The following MAP3K21 variants were observed in gnomAD, a reference collection of about 807,000 sequenced individuals.
The protein encoded by MAP3K21 is mitogen-activated protein kinase kinase kinase 21.
MAP3K21 carries 63 observed loss-of-function variants against 86.1 expected under a neutral mutation model. The observed-to-expected ratio is 0.73, with a 90% CI of 0.60 to 0.90. The LOEUF is 0.90. MAP3K21 is among the 40% of genes least tolerant of loss of function. The probability of loss-of-function intolerance (pLI) is 0.00; values close to 1 mark genes in which losing one functional copy is unlikely to be tolerated. For synonymous variants in MAP3K21, 558 were observed against 564.8 expected (o/e 0.99, Z 0.17); for missense variants, 1,220 against 1,367.7 (o/e 0.89, Z 1.70).
intron 1 of MAP3K21, among the ~76,000 whole-genome samples, chr1:233,338,481 A>G (rs1453552765): frequency 6.6e-6 from 1 of 152,222 alleles, no homozygotes; most frequent in Non-Finnish European, 1.5e-5. Flanking sequence ...GCTTAGTATA[A>G]AAACTAAAGT....
At chr1:233,349,664 C>T (rs764750705) in intron 2 of MAP3K21, among the ~76,000 whole-genome samples, 141 of 152,302 alleles carry the variant, frequency 9.3e-4, no homozygotes, top group Middle Eastern at 3.4e-3. Context: ...ACCAGCCGGG[C>T]ATGGTGGCTC....
Position 233,353,874 on chromosome 1 carries a change from G to T in MAP3K21, c.1054G>T (p.Val352Leu). 6.2e-7 allele frequency: 1 copy of T among 1,613,294 alleles called. No individual in the cohort carries two copies. Among genetic ancestry groups the T allele is most frequent in the Non-Finnish European group, 8.5e-7 (1 of 1,179,732 alleles). ...VPYRGIDGLA[V>L]AYGVAVNKLT... ...CTATCGGGGCATTGATGGCCTCGCC[G>T]TGGCTTATGGGGTAGCAGTCAATAA... The change falls in exon 3 of 10, where the codon GTG becomes TTG. Residue 352 changes from valine (V) to leucine (L), a missense_variant. Physicochemically the swap from Val to Leu is conservative, Grantham distance 32. This residue lies in a region of MAP3K21 where 89 missense variants were observed against 144.8 expected (regional missense o/e 0.61). Coordinates refer to ENST00000366624, the MANE Select transcript of MAP3K21 (RefSeq NM_032435.3).
chr1:233,340,435 A>G (rs1294267), intron 1 of MAP3K21, among the ~76,000 whole-genome samples: 121,636 of 152,072 alleles, frequency 0.8, 48,834 homozygotes, highest in East Asian at 0.99. Context: ...AATGGCACAC[A>G]GAATTGTTAG....
chr1:233,344,790 A>T (rs895000706), intron 1 of MAP3K21, among the ~76,000 whole-genome samples: 1 of 152,248 alleles, frequency 6.6e-6, no homozygotes, highest in Non-Finnish European at 1.5e-5. Flanking sequence ...CAGAGTGAAC[A>T]GACAACCTAC....
rs550700262 is a variant in MAP3K21, at chr1:233,354,886, G to A, written c.1186G>A (p.Glu396Lys). ...HIRPSFALIL[E>K]QLTAIEGAVM... ...TCGTCCATCGTTTGCCTTAATTCTC[G>A]AACAGTTGACTGCTATTGAAGGGGC... The change falls in exon 4 of 10, where the codon GAA (glutamate) becomes AAA (lysine). Residue 396 changes from glutamate to lysine, a missense_variant. Glu to Lys is a moderately conservative substitution (Grantham distance 56). Transcript: ENST00000366624. 2.9e-5 allele frequency: 47 copies of A among 1,614,018 alleles called. No homozygotes were observed. The highest frequency in any genetic ancestry group is 1.6e-4 in the Middle Eastern group (1 of 6,062).
intron 6 of MAP3K21, among the ~76,000 whole-genome samples, chr1:233,374,290 C>T (rs1260909128): frequency 1.3e-5 from 2 of 152,008 alleles, no homozygotes; most frequent in Non-Finnish European, 1.5e-5. Context: ...ATTCTCCTGC[C>T]TCAGCCTCCC....
intron 6 of MAP3K21, chr1:233,373,011 T>G (rs1300928294): frequency 6.6e-6 from 1 of 152,170 alleles, no homozygotes; most frequent in East Asian, 1.9e-4. Flanking sequence ...AATCTCATTT[T>G]TTTTTCCTCT....
In MAP3K21 at chr1:233,342,156, A is replaced by G. The variant is rs376522874; in HGVS notation, c.806-4286A>G. Among the ~76,000 whole-genome samples, 4 of 152,188 alleles carry G rather than the reference A, an allele frequency of 2.6e-5. No homozygotes were observed. In the East Asian group the frequency reaches 5.8e-4, roughly 22 times the overall value. ...TGAGAAATAAATATACCTTTAACTG[A>G]TGTGGATGGAACATTCAAAAATTAA... On this transcript the variant is annotated intron_variant, in intron 1 of 9. Coordinates refer to ENST00000366624, the MANE Select transcript of MAP3K21 (RefSeq NM_032435.3).
In MAP3K21 at chr1:233,353,885, G is replaced by A; in HGVS notation, c.1065G>A (p.Gly355=). The change falls in exon 3 of 10, where the codon GGG becomes GGA. Residue 355 remains glycine (G), a synonymous_variant. Transcript: ENST00000366624. ...TTGATGGCCTCGCCGTGGCTTATGG[G>A]GTAGCAGTCAATAAACTCACTTTGC... ...RGIDGLAVAY[G]VAVNKLTLPI... The A allele has an allele frequency of 6.2e-7, 1 of 1,613,376 alleles. No homozygotes were observed. The highest frequency in any genetic ancestry group is 8.5e-7 in the Non-Finnish European group (1 of 1,179,738).
chr1:233,342,832 A>G (rs77909616), intron 1 of MAP3K21, among the ~76,000 whole-genome samples: 2,069 of 152,212 alleles, frequency 0.014, 49 homozygotes, highest in African/African-American at 0.047. Flanking sequence ...CCCATGTAGT[A>G]TAGCATTAAG....
At chr1:233,347,911 A>G (rs1039840315) in intron 2 of MAP3K21, among the ~76,000 whole-genome samples, 8 of 152,072 alleles carry the variant, frequency 5.3e-5, no homozygotes, top group African/African-American at 1.9e-4. Context: ...TTAAAAAAGG[A>G]TAGATGTAAA....
intron 5 of MAP3K21, among the ~76,000 whole-genome samples, chr1:233,362,550 T>C (rs570980317): frequency 1.3e-5 from 2 of 152,344 alleles, no homozygotes; most frequent in East Asian, 3.9e-4. Context: ...TTCATATTGA[T>C]GGATTAACTG....
chr1:233,369,074 A>G (rs1256227142), intron 5 of MAP3K21, among the ~76,000 whole-genome samples: 1 of 152,154 alleles, frequency 6.6e-6, no homozygotes, highest in Non-Finnish European at 1.5e-5. Context: ...ATTTGCTTCT[A>G]TAATCATTAG....
rs536499186 is a variant in MAP3K21, at chr1:233,356,549, C to T, written c.1311+1538C>T. Among the ~76,000 whole-genome samples, 13 of 152,120 alleles carry T rather than the reference C, an allele frequency of 8.5e-5. No homozygotes were observed. In the South Asian group the frequency reaches 1.0e-3, roughly 12 times the overall value. ...ATTATGATTCCTGTTATGAATCTTA[C>T]GCTGTAATAGAGGCATATGACTCAG... On this transcript the variant is annotated intron_variant, in intron 4 of 9. Coordinates refer to ENST00000366624, the MANE Select transcript of MAP3K21 (RefSeq NM_032435.3).
chr1:233,351,010 C>A (rs1247284098), intron 2 of MAP3K21, among the ~76,000 whole-genome samples: 1 of 152,086 alleles, frequency 6.6e-6, no homozygotes, highest in African/African-American at 2.4e-5. Context: ...CTGAAACTTG[C>A]AAGAAGCAGA....
intron 1 of MAP3K21, among the ~76,000 whole-genome samples, chr1:233,344,469 G>T (rs575689572): frequency 6.6e-6 from 1 of 152,272 alleles, no homozygotes; most frequent in African/African-American, 2.4e-5. Context: ...TGACAAAAAT[G>T]AGAAATGAGA....
At chr1:233,358,228 C>T (rs1663401521) in intron 4 of MAP3K21, among the ~76,000 whole-genome samples, 1 of 152,080 alleles carries the variant, frequency 6.6e-6, no homozygotes, top group Admixed American at 6.5e-5. Context: ...CAGAGCCCTA[C>T]CTCTTAGTAT....
chr1:233,366,457 C>T (rs1195434464), intron 5 of MAP3K21, among the ~76,000 whole-genome samples: 1 of 151,990 alleles, frequency 6.6e-6, no homozygotes, highest in African/African-American at 2.4e-5. Context: ...CACTCTGTAC[C>T]CCATAAATAT....
At position 233,328,752 on chromosome 1, in the gene MAP3K21, G is replaced by T. The variant is rs778992107; in HGVS notation, c.724G>T (p.Val242Leu). 51 of 1,524,060 alleles carry T rather than the reference G, an allele frequency of 3.3e-5. No homozygotes were observed. Among genetic ancestry groups the T allele is most frequent in the Non-Finnish European group, 4.1e-5 (46 of 1,134,388 alleles). 94.4% of individuals were successfully genotyped at this position (1,524,060 alleles called of 1,614,324 possible). A position where few individuals can be genotyped will look rare whatever the true frequency, so the allele number is the denominator to read the frequency against. ...IPPHVLVNWA[V>L]QIARGMLYLH... is the part of the protein sequence containing the mutation. ...TCCGCACGTGCTGGTCAACTGGGCC[G>T]TGCAGATAGCGCGGGGCATGCTCTA... Residue 242 changes from valine to leucine, a missense_variant, in exon 1 of 10, where the codon GTG (valine) becomes TTG (leucine). By Grantham distance (32) the Val-to-Leu change is conservative. Transcript: ENST00000366624. This position sits in a 1 kb window ranked among gnomAD's most constrained non-coding sequence, Gnocchi z 8.7.
Sources: allele counts gnomAD v4.1 joint callset (sites outside exome capture counted in the v4.1 genomes callset), GRCh38; gene constraint gnomAD v4.1.1; regional missense constraint gnomAD v4.1.1; non-coding constraint Gnocchi (gnomAD v3.1); transcripts MANE v1.5; gene names NCBI Gene and HGNC (gene_info 2026-07-23, HGNC 2026-07-21).